Variants in RBMS1 observed in about 807,000 individuals in gnomAD.
The protein encoded by RBMS1 is RNA-binding motif, single-stranded-interacting protein 1.
A neutral mutation model predicts 62.3 loss-of-function variants in RBMS1; 17 were observed. The ratio of observed to expected loss-of-function variants is 0.27; its 90% CI spans 0.19 to 0.41. The LOEUF (loss-of-function observed/expected upper bound fraction) is 0.41, where lower values mean the gene tolerates loss of function less well. Among genes scored for constraint, RBMS1 ranks in the 10% least tolerant of loss-of-function variants. RBMS1 has a pLI of 1.00. For synonymous variants in RBMS1, 172 were observed against 170.0 expected (o/e 1.01, Z -0.09); for missense variants, 334 against 504.5 (o/e 0.66, Z 3.24).
intron 2 of RBMS1, among the ~76,000 whole-genome samples, chr2:160,363,185 T>C (rs1693221832): frequency 6.6e-6 from 1 of 152,196 alleles, no homozygotes; most frequent in Non-Finnish European, 1.5e-5. Context: ...CACTTTTAGG[T>C]AACTCTGGGA....
At chr2:160,334,955 TA>T (rs1691486684) in intron 2 of RBMS1, among the ~76,000 whole-genome samples, 1 of 151,062 alleles carries the variant, frequency 6.6e-6, no homozygotes, top group Non-Finnish European at 1.5e-5. Flanking sequence ...AAAAAAGGGA[TA>T]TTTATCTCAG....
chr2:160,465,311 TAGTCTTTGCATA>T (rs1380466351), intron 1 of RBMS1, among the ~76,000 whole-genome samples: 1 of 152,194 alleles, frequency 6.6e-6, no homozygotes, highest in Non-Finnish European at 1.5e-5. Context: ...TAGCCACCAA[TAGTCTTTGCATA>T]ACAAATATCA....
chr2:160,453,932 A>G (rs1441773223), intron 1 of RBMS1, among the ~76,000 whole-genome samples: 3 of 152,194 alleles, frequency 2.0e-5, no homozygotes, highest in African/African-American at 7.2e-5. Flanking sequence ...TTCTCCAGCT[A>G]ACAAAATTCA....
At chr2:160,427,515 A>G (rs1682687947) in intron 1 of RBMS1, among the ~76,000 whole-genome samples, 1 of 152,024 alleles carries the variant, frequency 6.6e-6, no homozygotes, top group Admixed American at 6.6e-5. Flanking sequence ...ATCTGTATCT[A>G]TATTTATGTC....
At chr2:160,441,287 T>C (rs1390074076) in intron 1 of RBMS1, among the ~76,000 whole-genome samples, 9 of 152,246 alleles carry the variant, frequency 5.9e-5, no homozygotes, top group Admixed American at 5.9e-4. Flanking sequence ...TTGGATTGTT[T>C]CCAGTTTGGG....
intron 1 of RBMS1, among the ~76,000 whole-genome samples, chr2:160,419,744 T>C (rs1437467476): frequency 1.3e-5 from 2 of 152,226 alleles, no homozygotes; most frequent in Non-Finnish European, 2.9e-5. Flanking sequence ...GTTATAAGTT[T>C]TCTTTTAAAT....
chr2:160,407,207 G>A (rs1002317897), intron 1 of RBMS1, among the ~76,000 whole-genome samples: 4 of 152,036 alleles, frequency 2.6e-5, no homozygotes, highest in Non-Finnish European at 5.9e-5. Context: ...CCGGCCCGGC[G>A]CGCTTCTGCC....
At chr2:160,320,537 G>T (rs1690498329) in intron 2 of RBMS1, among the ~76,000 whole-genome samples, 1 of 152,180 alleles carries the variant, frequency 6.6e-6, no homozygotes, top group African/African-American at 2.4e-5. Flanking sequence ...GGTTGTGGGG[G>T]TGGATCCCTC....
intron 2 of RBMS1, among the ~76,000 whole-genome samples, chr2:160,323,449 C>A (rs1573858366): frequency 6.6e-6 from 1 of 151,752 alleles, no homozygotes; most frequent in South Asian, 2.1e-4. Flanking sequence ...GCACTCCAGC[C>A]TGGGTGACAG....
At chr2:160,284,578 T>A in intron 9 of RBMS1, 197 bp downstream of exon 9, 1 of 566,558 alleles carries the variant, frequency 1.8e-6, no homozygotes, top group East Asian at 3.0e-5. Flanking sequence ...TGACAAACAT[T>A]TTCCTTTGCT....
intron 2 of RBMS1, among the ~76,000 whole-genome samples, chr2:160,338,670 T>A (rs1214842870): frequency 6.6e-6 from 1 of 152,230 alleles, no homozygotes; most frequent in Non-Finnish European, 1.5e-5. Context: ...TTATGTGCTA[T>A]GCTATCTACC....
At position 160,493,476 on chromosome 2, in the gene RBMS1, G is replaced by GGCTGCTGCTGCTGCC; in HGVS notation, c.-128_-114dup. The stretch of plus-strand genomic sequence containing the variant: ...CGGCGGCAGCGGCGGCGGCGGCGGC[G>GGCTGCTGCTGCTGCC]GCTGCTGCTGCTGCCGCTGCTCCAC... On this transcript the variant is annotated 5_prime_UTR_variant, in exon 1 of 14. Transcript: ENST00000348849. The GGCTGCTGCTGCTGCC allele has an allele frequency of 1.1e-6, 1 of 873,242 alleles. No homozygotes were observed. 54.1% of individuals were successfully genotyped at this position (873,242 alleles called of 1,614,324 possible).
intron 9 of RBMS1, 71 bp downstream of exon 9, chr2:160,284,704 C>T: frequency 3.3e-6 from 4 of 1,201,600 alleles, no homozygotes; most frequent in Non-Finnish European, 4.9e-6. Context: ...AATTTTAAGA[C>T]ACATAAAAAT....
At chr2:160,430,701 T>C (rs1682854323) in intron 1 of RBMS1, among the ~76,000 whole-genome samples, 1 of 152,220 alleles carries the variant, frequency 6.6e-6, no homozygotes, top group Admixed American at 6.5e-5. Context: ...CCTGTGCCTC[T>C]TTATTTATGC....
chr2:160,407,999 C>T, intron 1 of RBMS1: 1 of 842,800 alleles, frequency 1.2e-6, no homozygotes, highest in Non-Finnish European at 1.4e-6. Flanking sequence ...CTGGGCGCGG[C>T]GCCTGCCGCC....
intron 1 of RBMS1, among the ~76,000 whole-genome samples, chr2:160,371,481 T>G (rs1331348432): frequency 6.6e-6 from 1 of 152,206 alleles, no homozygotes; most frequent in Non-Finnish European, 1.5e-5. Context: ...TCTAGCCTAA[T>G]TTTTCCTGTT....
In RBMS1 at chr2:160,410,550, C is replaced by T. The variant is rs79007402; in HGVS notation, c.76-43159G>A. Among the ~76,000 whole-genome samples, 1,207 of 152,266 alleles carry T rather than the reference C, an allele frequency of 7.9e-3. 16 individuals are homozygous for T. The highest frequency in any genetic ancestry group is 0.028 in the African/African-American group (1,156 of 41,528). On this transcript the variant is annotated intron_variant, in intron 1 of 13. Transcript: ENST00000348849. ...AGACCCTGTATATAACATACACACT[C>T]AATTATAGATTATTCATAAGTGCTT...
chr2:160,323,817 G>T (rs1690731621), intron 2 of RBMS1, among the ~76,000 whole-genome samples: 2 of 152,042 alleles, frequency 1.3e-5, no homozygotes, highest in African/African-American at 4.8e-5. Context: ...AATTTCAAAG[G>T]GAGAGGATAA....
chr2:160,427,009 T>C (rs1272634114), intron 1 of RBMS1, among the ~76,000 whole-genome samples: 1 of 152,210 alleles, frequency 6.6e-6, no homozygotes, highest in Non-Finnish European at 1.5e-5. Context: ...GGTTGGAATT[T>C]TTCTGTATGT....
Sources: allele counts gnomAD v4.1 joint callset (sites outside exome capture counted in the v4.1 genomes callset), GRCh38; gene constraint gnomAD v4.1.1; transcripts MANE v1.5; gene names NCBI Gene and HGNC (gene_info 2026-07-23, HGNC 2026-07-21).